The following CDH13 variants were observed in gnomAD, a reference collection of about 807,000 sequenced individuals.
CDH13 encodes cadherin-13.
Under a neutral mutation model 63.8 loss-of-function variants are expected in CDH13, and 24 were observed. That is an observed-to-expected ratio of 0.38 (90% CI 0.27 to 0.53). The LOEUF (loss-of-function observed/expected upper bound fraction) is 0.53. Among genes scored for constraint, CDH13 ranks in the 20% least tolerant of loss-of-function variants. The pLI, the probability that CDH13 is intolerant of heterozygous loss-of-function variation, is 0.85. For missense variants in CDH13, 1,049 were observed against 903.1 expected (o/e 1.16, Z -2.07); for synonymous variants, 503 against 355.3 (o/e 1.42, Z -4.67).
At chr16:83,407,971 C>T (rs900126056) in intron 6 of CDH13, among the ~76,000 whole-genome samples, 18 of 152,180 alleles carry the variant, frequency 1.2e-4, no homozygotes, top group Non-Finnish European at 7.3e-5. Flanking sequence ...CCACAACATT[C>T]CCAGTCATTC....
chr16:83,286,755 C>CA (rs35774290), intron 5 of CDH13, among the ~76,000 whole-genome samples: 57,996 of 127,836 alleles, frequency 0.45, 12,306 homozygotes, highest in Non-Finnish European at 0.51. Context: ...GACTCTGTCT[C>CA]AAAAAAAAAA....
At chr16:83,762,686 A>G (rs1914074049) in intron 11 of CDH13, among the ~76,000 whole-genome samples, 3 of 152,084 alleles carry the variant, frequency 2.0e-5, no homozygotes, top group Admixed American at 2.0e-4. Context: ...TTCTTGGCTC[A>G]CTCACTCCAC....
intron 1 of CDH13, among the ~76,000 whole-genome samples, chr16:82,737,522 T>A (rs989330626): frequency 1.3e-5 from 2 of 152,236 alleles, no homozygotes; most frequent in Non-Finnish European, 2.9e-5. Flanking sequence ...TTCAAAATGA[T>A]CTCAATATCA....
intron 2 of CDH13, among the ~76,000 whole-genome samples, chr16:83,000,037 C>T (rs1010110050): frequency 1.3e-5 from 2 of 151,802 alleles, no homozygotes; most frequent in Non-Finnish European, 2.9e-5. Flanking sequence ...ACAACAACAA[C>T]AAAAAAATAT....
chr16:83,785,673 T>C (rs1006956460), intron 13 of CDH13, among the ~76,000 whole-genome samples: 2 of 152,170 alleles, frequency 1.3e-5, no homozygotes, highest in Non-Finnish European at 2.9e-5. Context: ...TGCAAGTCAC[T>C]CTTGCATAGT....
At chr16:83,742,500 G>C (rs796603219) in intron 10 of CDH13, among the ~76,000 whole-genome samples, 8 of 152,206 alleles carry the variant, frequency 5.3e-5, no homozygotes, top group African/African-American at 1.9e-4. Context: ...TTAATAAGGC[G>C]TATGCATTTT....
At chr16:82,667,084 A>G (rs1011203323) in intron 1 of CDH13, among the ~76,000 whole-genome samples, 1 of 152,078 alleles carries the variant, frequency 6.6e-6, no homozygotes, top group African/African-American at 2.4e-5. Context: ...CTAGAGGGGG[A>G]ATACTTTGAC....
chr16:83,590,432 G>A (rs897810922), intron 7 of CDH13, among the ~76,000 whole-genome samples: 1 of 152,168 alleles, frequency 6.6e-6, no homozygotes, highest in African/African-American at 2.4e-5. Context: ...GGGGCCGGCT[G>A]GAGATGATCC....
chr16:83,464,719 A>T (rs984825927), intron 6 of CDH13, among the ~76,000 whole-genome samples: 2 of 152,038 alleles, frequency 1.3e-5, no homozygotes, highest in Non-Finnish European at 2.9e-5. Context: ...ATCCACCATA[A>T]CCTCATTTTA....
At chr16:83,763,009 A>C (rs879064656) in intron 11 of CDH13, among the ~76,000 whole-genome samples, 2 of 152,116 alleles carry the variant, frequency 1.3e-5, no homozygotes, top group Non-Finnish European at 2.9e-5. Flanking sequence ...GGCAGCCCAA[A>C]CCATCTCTAC....
intron 7 of CDH13, among the ~76,000 whole-genome samples, chr16:83,488,726 G>C (rs978655379): frequency 2.0e-5 from 3 of 152,144 alleles, no homozygotes; most frequent in Admixed American, 2.0e-4. Flanking sequence ...CCAGGTTGAA[G>C]CAATTCTCCT....
At chr16:83,324,286 C>T (rs564649361) in intron 5 of CDH13, among the ~76,000 whole-genome samples, 67 of 152,312 alleles carry the variant, frequency 4.4e-4, no homozygotes, top group African/African-American at 1.6e-3. Context: ...GCACCCGCCT[C>T]GGCCTTGCAA....
chr16:83,240,629 G>C (rs946964996), intron 5 of CDH13, among the ~76,000 whole-genome samples: 1 of 148,488 alleles, frequency 6.7e-6, no homozygotes, highest in African/African-American at 2.5e-5. Flanking sequence ...GGAGGGTTGA[G>C]GGTAGTGGGA....
chr16:83,617,462 T>C (rs1016921717), intron 8 of CDH13, among the ~76,000 whole-genome samples: 2 of 151,932 alleles, frequency 1.3e-5, no homozygotes, highest in African/African-American at 4.8e-5. Flanking sequence ...AAGCACATTT[T>C]CTATTCTAAT....
rs369934584 is a variant in CDH13 at position 82,693,393 on chromosome 16, G to A, written c.45+66256G>A. On this transcript the variant is annotated intron_variant, in intron 1 of 13. Transcript: ENST00000567109. ...CAGAATTCTTGTACATGAAAACACAGTTGTGCAGGACATATCTGTGCACCT... is the reference window on the plus strand; with the variant it reads ...CAGAATTCTTGTACATGAAAACACAATTGTGCAGGACATATCTGTGCACCT... 7.2e-5 allele frequency among the ~76,000 whole-genome samples: 11 copies of A among 152,278 alleles called. No homozygotes were observed. In the South Asian group the frequency reaches 1.4e-3, roughly 20 times the overall value.
intron 2 of CDH13, among the ~76,000 whole-genome samples, chr16:82,940,232 C>T (rs929440520): frequency 4.6e-5 from 7 of 152,292 alleles, no homozygotes; most frequent in African/African-American, 1.4e-4. Flanking sequence ...GAGAGGAAGA[C>T]ATCAGTATAA....
intron 2 of CDH13, among the ~76,000 whole-genome samples, chr16:82,979,751 G>A (rs1302529013): frequency 1.3e-5 from 2 of 152,164 alleles, no homozygotes; most frequent in African/African-American, 4.8e-5. Context: ...AGACCAACAA[G>A]GAGTATGTGG....
At chr16:82,936,420 C>T (rs775001126) in intron 2 of CDH13, among the ~76,000 whole-genome samples, 31 of 152,042 alleles carry the variant, frequency 2.0e-4, no homozygotes, top group Non-Finnish European at 3.5e-4. Flanking sequence ...GAATGTAATG[C>T]CTGATGATCT....
intron 1 of CDH13, among the ~76,000 whole-genome samples, chr16:82,762,054 T>G (rs1227116931): frequency 6.6e-6 from 1 of 152,174 alleles, no homozygotes; most frequent in Non-Finnish European, 1.5e-5. Flanking sequence ...CAAGTGGAGC[T>G]GGAAAGTGAA....
Sources: gnomAD v4.1 joint callset for allele counts (sites outside exome capture counted in the v4.1 genomes callset) on GRCh38, gnomAD v4.1.1 for gene constraint, MANE v1.5 for transcripts, NCBI Gene and HGNC (gene_info 2026-07-23, HGNC 2026-07-21) for gene names.